The following ZNF469 variants were observed in gnomAD, a reference collection of about 807,000 sequenced individuals.
The protein encoded by ZNF469 is zinc finger protein 469.
In ZNF469, 1 loss-of-function variant was observed where a neutral mutation model predicts 1.0. The observed-to-expected ratio is 1.00, with a 90% CI of 0.35 to 4.73. The LOEUF (loss-of-function observed/expected upper bound fraction) is 4.73. Among genes scored for constraint, ZNF469 ranks in the 30% most tolerant of loss-of-function variants. ZNF469 has a pLI of 0.16. For missense variants in ZNF469, 6,100 were observed against 5,356.3 expected (o/e 1.14, Z -4.33); for synonymous variants, 2,703 against 2,363.4 (o/e 1.14, Z -4.17).
At chr16:88,109,243 C>CCAACAGTGAGACCT in the ZNF469 span, among the ~76,000 whole-genome samples, 1 of 152,164 alleles carries the variant, frequency 6.6e-6, no homozygotes, top group Non-Finnish European at 1.5e-5. Context: ...GGGTGAGGCC[C>CCAACAGTGAGACCT]CAACAGTGAG....
the ZNF469 span, among the ~76,000 whole-genome samples, chr16:88,230,813 C>T: frequency 1.3e-5 from 2 of 152,194 alleles, no homozygotes; most frequent in African/African-American, 4.8e-5. Context: ...AGCGGCTGCT[C>T]CCATGGCCTC....
the ZNF469 span, among the ~76,000 whole-genome samples, chr16:88,272,358 A>T: frequency 7.4e-6 from 1 of 135,048 alleles, no homozygotes; most frequent in African/African-American, 2.8e-5. Context: ...GAGTGGGTTG[A>T]TGTAGATGGA....
chr16:88,396,166 C>T (rs1904652571), intron 1 of ZNF469, among the ~76,000 whole-genome samples: 1 of 152,244 alleles, frequency 6.6e-6, no homozygotes, highest in African/African-American at 2.4e-5. Flanking sequence ...AGAAACACAA[C>T]TCATAGAACA....
the ZNF469 span, among the ~76,000 whole-genome samples, chr16:88,322,713 G>A: frequency 6.6e-6 from 1 of 152,152 alleles, no homozygotes; most frequent in Non-Finnish European, 1.5e-5. Context: ...TGAGCTCTAG[G>A]CTGCATCAGG....
the ZNF469 span, among the ~76,000 whole-genome samples, chr16:88,161,028 G>A: frequency 2.0e-5 from 3 of 152,120 alleles, no homozygotes; most frequent in African/African-American, 7.2e-5. Flanking sequence ...AAATTTAGTG[G>A]CAGGTACCTG....
chr16:88,135,422 C>T, the ZNF469 span, among the ~76,000 whole-genome samples: 1 of 152,252 alleles, frequency 6.6e-6, no homozygotes, highest in African/African-American at 2.4e-5. Flanking sequence ...GGGCTGACTC[C>T]AGATGGACGA....
At chr16:88,110,498 T>A in the ZNF469 span, among the ~76,000 whole-genome samples, 1 of 152,212 alleles carries the variant, frequency 6.6e-6, no homozygotes, top group African/African-American at 2.4e-5. Flanking sequence ...GTGAGTAATG[T>A]CCAAGGCTCC....
the ZNF469 span, among the ~76,000 whole-genome samples, chr16:88,130,463 G>T: frequency 6.6e-6 from 1 of 152,118 alleles, no homozygotes; most frequent in Non-Finnish European, 1.5e-5. Flanking sequence ...TACAAAGGGA[G>T]TGGAGGCCGA....
chr16:88,366,563 TCACCTC>T, the ZNF469 span, among the ~76,000 whole-genome samples: 5 of 45,104 alleles, frequency 1.1e-4, no homozygotes, highest in East Asian at 1.9e-3. Flanking sequence ...ACCATCACTA[TCACCTC>T]CATCATCACC....
the ZNF469 span, among the ~76,000 whole-genome samples, chr16:88,156,334 C>A: frequency 6.6e-6 from 1 of 152,202 alleles, no homozygotes; most frequent in South Asian, 2.1e-4. Flanking sequence ...AGATTAATAC[C>A]TTTGCTTTCT....
chr16:88,236,554 G>C, the ZNF469 span, among the ~76,000 whole-genome samples: 2 of 152,222 alleles, frequency 1.3e-5, no homozygotes, highest in South Asian at 2.1e-4. Flanking sequence ...GTTCCATTCA[G>C]TTGGTTGGGG....
At chr16:88,235,776 C>T in the ZNF469 span, among the ~76,000 whole-genome samples, 2 of 152,232 alleles carry the variant, frequency 1.3e-5, no homozygotes, top group Admixed American at 6.5e-5. Context: ...ATGTGAGGAG[C>T]GTGACCCGTG....
chr16:88,232,065 G>T, the ZNF469 span, among the ~76,000 whole-genome samples: 2 of 152,164 alleles, frequency 1.3e-5, no homozygotes, highest in African/African-American at 4.8e-5. Context: ...TGGAGGGAAG[G>T]CAGGGCGGGC....
At chr16:88,394,140 C>T (rs1048777639) in intron 1 of ZNF469, among the ~76,000 whole-genome samples, 2 of 151,716 alleles carry the variant, frequency 1.3e-5, no homozygotes, top group Non-Finnish European at 2.9e-5. Flanking sequence ...GACACGCCTA[C>T]ACCTGCGCTG....
chr16:88,405,118 A>G (rs1209967828), intron 1 of ZNF469, among the ~76,000 whole-genome samples: 1 of 152,016 alleles, frequency 6.6e-6, no homozygotes, highest in Non-Finnish European at 1.5e-5. Flanking sequence ...GTTGCCAACA[A>G]TGGGAGATTG....
At chr16:88,421,941 A>G (rs1905472510) in intron 1 of ZNF469, among the ~76,000 whole-genome samples, 1 of 152,200 alleles carries the variant, frequency 6.6e-6, no homozygotes, top group Non-Finnish European at 1.5e-5. Flanking sequence ...CATCCAACAC[A>G]AATGTAAAGA....
the ZNF469 span, among the ~76,000 whole-genome samples, chr16:88,285,557 G>A: frequency 1.2e-4 from 19 of 152,388 alleles, no homozygotes; most frequent in East Asian, 1.5e-3. Flanking sequence ...CAGCTGACAC[G>A]GCACCCAGGA....
the ZNF469 span, among the ~76,000 whole-genome samples, chr16:88,111,127 C>T: frequency 3.3e-5 from 5 of 152,256 alleles, no homozygotes; most frequent in Non-Finnish European, 7.3e-5. Flanking sequence ...CGCACCGCCC[C>T]ATGTCAAACC....
the ZNF469 span, among the ~76,000 whole-genome samples, chr16:88,125,452 C>T: frequency 6.6e-6 from 1 of 152,254 alleles, no homozygotes; most frequent in African/African-American, 2.4e-5. Flanking sequence ...TGAGAATCAG[C>T]ATGTCGGTTT....
Sources: gnomAD v4.1 joint callset for allele counts (sites outside exome capture counted in the v4.1 genomes callset) on GRCh38, gnomAD v4.1.1 for gene constraint, MANE v1.5 for transcripts, NCBI Gene and HGNC (gene_info 2026-07-23, HGNC 2026-07-21) for gene names.